ANKRD23: variants seen among roughly 807,000 people sequenced by gnomAD.
ANKRD23 encodes ankyrin repeat domain-containing protein 23.
A neutral mutation model predicts 38.1 loss-of-function variants in ANKRD23; 52 were observed. The ratio of observed to expected loss-of-function variants is 1.36; its 90% CI spans 1.09 to 1.72. The LOEUF is 1.72. ANKRD23 is among the 40% of genes most tolerant of loss of function. The pLI, the probability that ANKRD23 is intolerant of heterozygous loss-of-function variation, is 0.00. For synonymous variants in ANKRD23, 167 were observed against 162.9 expected (o/e 1.03, Z -0.19); for missense variants, 416 against 400.2 (o/e 1.04, Z -0.34).
intron 4 of ANKRD23, 46 bp downstream of exon 4, chr2:96,840,741 C>CCTGCAG (rs1559021526): frequency 1.9e-6 from 3 of 1,611,528 alleles, no homozygotes; most frequent in Non-Finnish European, 2.5e-6. Context: ...AGGCAGCGCT[C>CCTGCAG]CTGCAGCTGC....
Position 96,838,598 on chromosome 2 carries a change from A to G in ANKRD23, c.*951T>C, listed in dbSNP as rs1460002662. The G allele has an allele frequency of 1.0e-6, 1 of 985,698 alleles. No homozygotes were observed. The highest frequency in any genetic ancestry group is 1.2e-6 in the Non-Finnish European group (1 of 830,186). 61.1% of individuals were successfully genotyped at this position (985,698 alleles called of 1,614,324 possible). Reference sequence around the variant, plus strand: ...GGGTGCAGCTGCAGCGTTCCAGGCAAGAGCTCAAGCTCCAGTACCAGGAAC... The same window carrying G: ...GGGTGCAGCTGCAGCGTTCCAGGCAGGAGCTCAAGCTCCAGTACCAGGAAC... On this transcript the variant is annotated 3_prime_UTR_variant, in exon 9 of 9. Coordinates refer to ENST00000318357, the MANE Select transcript of ANKRD23 (RefSeq NM_144994.8).
At position 96,840,075 on chromosome 2, in the gene ANKRD23, G is replaced by A. The variant is rs1035913732; in HGVS notation, c.645C>T (p.His215=). 7 of 1,558,324 alleles carry A rather than the reference G, an allele frequency of 4.5e-6. No individual in the cohort carries two copies. The highest frequency in any genetic ancestry group is 1.2e-5 in the South Asian group (1 of 84,570). ...CGGGGTGCCGGGTGCGCACTGCCACGTGCAGGGGGGTGCTCCCGATCTGAG... is the reference window on the plus strand; with the variant it reads ...CGGGGTGCCGGGTGCGCACTGCCACATGCAGGGGGGTGCTCCCGATCTGAG... ...ARDKIGSTPL[H]VAVRTRHPDC... The change falls in exon 7 of 9, where the codon CAC becomes CAT. Residue 215 remains histidine, a synonymous_variant. Transcript: ENST00000318357.
In ANKRD23 at chr2:96,838,402, T is replaced by A. The variant is rs1234529644; in HGVS notation, c.*1147A>T. On this transcript the variant is annotated 3_prime_UTR_variant, in exon 9 of 9. Coordinates refer to ENST00000318357, the MANE Select transcript of ANKRD23 (RefSeq NM_144994.8). ...GCCTACACCAGTGTAATTTGAAACG[T>A]ACAGACGGTGGAAGAGGAAGTCTAG... is the stretch of plus-strand genomic sequence containing the variant. 2 of 988,086 alleles carry A rather than the reference T, an allele frequency of 2.0e-6. No individual in the cohort carries two copies. The highest frequency in any genetic ancestry group is 1.7e-5 in the African/African-American group (1 of 57,384). The allele number at this position is 988,086 out of a possible 1,614,324, so 61.2% of individuals were successfully genotyped here. A position where few individuals can be genotyped will look rare whatever the true frequency, so the allele number is the denominator to read the frequency against.
rs1442547983 is a variant in ANKRD23 at position 96,839,997 on chromosome 2, C to T, written c.723G>A (p.Lys241=). Residue 241 remains lysine (K), a splice_region_variant and synonymous_variant, in exon 7 of 9, where the codon AAG becomes AAA. Transcript: ENST00000318357. ...GGAAAAGACCAAGCGCCTGCCTTACCTTATCCTGTGCGTTCAGGTGGGCGC... is the reference window on the plus strand; with the variant it reads ...GGAAAAGACCAAGCGCCTGCCTTACTTTATCCTGTGCGTTCAGGTGGGCGC... ...ECGAHLNAQD[K]EGDTALHEAV... is the part of the protein sequence containing the mutation. 6.4e-7 allele frequency: 1 copy of T among 1,554,332 alleles called. No individual in the cohort carries two copies. The highest frequency in any genetic ancestry group is 8.7e-7 in the Non-Finnish European group (1 of 1,148,258).
rs771356035 is a variant in ANKRD23 at position 96,843,995 on chromosome 2, T to TC, written c.-4dup. ...TGCTGAATGCTGATGAAGTCCATGG[T>TC]CCCCCCTGTTCCTCACACCCCCCAG... On this transcript the variant is annotated 5_prime_UTR_variant, in exon 1 of 9. Coordinates refer to ENST00000318357, the MANE Select transcript of ANKRD23 (RefSeq NM_144994.8). The TC allele has an allele frequency of 1.9e-6, 3 of 1,599,390 alleles. No homozygotes were observed. Among genetic ancestry groups the TC allele is most frequent in the East Asian group, 2.3e-5 (1 of 43,418 alleles).
chr2:96,838,954 C>T lies in ANKRD23; in HGVS notation c.*595G>A, dbSNP rs574501547. 37 of 985,636 alleles carry T rather than the reference C, an allele frequency of 3.8e-5. No homozygotes were observed. The Admixed American group carries it at 5.5e-4, about 15-fold the overall frequency. The allele number at this position is 985,636 out of a possible 1,614,324, so 61.1% of individuals were successfully genotyped here. ...TCCTATGACCAAAGTTGTCTAGAGC[C>T]GCTCCGGACACTGCCAGGGTTGCTA... On this transcript the variant is annotated 3_prime_UTR_variant, in exon 9 of 9. Transcript: ENST00000318357.
In ANKRD23 at chr2:96,839,805, G is replaced by C. The variant is rs1431281861; in HGVS notation, c.744C>G (p.His248Gln). The change falls in exon 8 of 9, where the codon CAC (histidine) becomes CAG (glutamine). Residue 248 changes from histidine to glutamine, a missense_variant. Transcript: ENST00000318357. ...AQDKEGDTAL[H>Q]EAVRHGSYKA... ...TGTAGCTGCCGTGCCGCACGGCCTC[G>C]TGCAGAGCCGTGTCCCCTTCCTGCT... 1.2e-6 allele frequency: 2 copies of C among 1,612,932 alleles called. No individual in the cohort carries two copies. The highest frequency in any genetic ancestry group is 1.7e-5 in the Admixed American group (1 of 59,990).
intron 3 of ANKRD23, 27 bp downstream of exon 3, chr2:96,842,033 C>T (rs773404418): frequency 6.2e-7 from 1 of 1,613,132 alleles, no homozygotes; most frequent in Non-Finnish European, 8.5e-7. Context: ...GGTGTGTGCA[C>T]TGCCCTAACC....
At chr2:96,841,631 G>A (rs1219025171) in intron 3 of ANKRD23, among the ~76,000 whole-genome samples, 1 of 151,752 alleles carries the variant, frequency 6.6e-6, no homozygotes, top group African/African-American at 2.4e-5. Context: ...AAAAAGTTGG[G>A]GGAGACACAT....
At chr2:96,839,694 C>T (rs201589615) in intron 8 of ANKRD23, 33 bp downstream of exon 8, 146 of 1,599,040 alleles carry the variant, frequency 9.1e-5, no homozygotes, top group Middle Eastern at 3.4e-4. Context: ...CACCCGCCCT[C>T]GGGTCAGGAG....
In ANKRD23 at chr2:96,840,348, C is replaced by G; in HGVS notation, c.526-18G>C. ...CTGTCCAGCTGCAAAACAAAAGCAC[C>G]CAAGCACTCAGCTGCTGGGATGTGA... is the stretch of plus-strand genomic sequence containing the variant. On this transcript the variant is annotated intron_variant, in intron 5 of 8. Transcript: ENST00000318357. 2 of 1,606,764 alleles carry G rather than the reference C, an allele frequency of 1.2e-6. No individual in the cohort carries two copies. Among genetic ancestry groups the G allele is most frequent in the Non-Finnish European group, 1.7e-6 (2 of 1,176,194 alleles).
chr2:96,843,430 C>T (rs575640750), intron 1 of ANKRD23, among the ~76,000 whole-genome samples: 1 of 152,268 alleles, frequency 6.6e-6, no homozygotes, highest in South Asian at 2.1e-4. Context: ...TTCCCTATCC[C>T]CAAGGCAGCC....
intron 3 of ANKRD23, 81 bp downstream of exon 3, chr2:96,841,979 A>C: frequency 6.3e-7 from 1 of 1,591,524 alleles, no homozygotes; most frequent in Non-Finnish European, 8.6e-7. Context: ...CCTGGCCTGC[A>C]GTGCCCACTC....
At chr2:96,841,993 C>T (rs2079766943) in intron 3 of ANKRD23, 67 bp downstream of exon 3, 3 of 1,608,496 alleles carry the variant, frequency 1.9e-6, no homozygotes, top group Admixed American at 3.3e-5. Flanking sequence ...CCCACTCTGC[C>T]CCAAGCCCTT....
Position 96,839,003 on chromosome 2 carries a change from GAA to G in ANKRD23, c.*544_*545del. The G allele has an allele frequency of 1.0e-6, 1 of 985,926 alleles. No individual in the cohort carries two copies. Among genetic ancestry groups the G allele is most frequent in the Non-Finnish European group, 1.2e-6 (1 of 830,304 alleles). The allele number at this position is 985,926 out of a possible 1,614,324, so 61.1% of individuals were successfully genotyped here. ...TACTGACAGGAATGGGGTCCCCAGA[GAA>G]AGCCATGCCCACAGGCATCCACCAG... On this transcript the variant is annotated 3_prime_UTR_variant, in exon 9 of 9. Coordinates refer to ENST00000318357, the MANE Select transcript of ANKRD23 (RefSeq NM_144994.8).
At chr2:96,840,540 C>A (rs757529560) in intron 4 of ANKRD23, 26 bp from the exon 5 acceptor site, 309 of 1,611,448 alleles carry the variant, frequency 1.9e-4, no homozygotes, top group Non-Finnish European at 2.6e-4. Flanking sequence ...GAAGATTAGG[C>A]AGAGGGAGTG....
rs762423177 is a variant in ANKRD23 at position 96,840,881 on chromosome 2, C to T, written c.332G>A (p.Gly111Asp). ...PQSQAQVEPV[G>D]LEMFLKAAAE... ...AGCTGCCTTCAGGAACATCTCCAGG[C>T]CCACAGGCTCCACCTGGGCCTGGGA... is the stretch of plus-strand genomic sequence containing the variant. Residue 111 changes from glycine (G) to aspartate (D), a missense_variant, in exon 4 of 9, where the codon GGC (glycine) becomes GAC (aspartate). Coordinates refer to ENST00000318357, the MANE Select transcript of ANKRD23 (RefSeq NM_144994.8). 51 of 1,614,060 alleles carry T rather than the reference C, an allele frequency of 3.2e-5. No individual in the cohort carries two copies. In the South Asian group the frequency reaches 5.4e-4, roughly 17 times the overall value.
At position 96,842,513 on chromosome 2, in the gene ANKRD23, T is replaced by C. The variant is rs755160387; in HGVS notation, c.28-2A>G. 3 of 1,612,606 alleles carry C rather than the reference T, an allele frequency of 1.9e-6. No individual in the cohort carries two copies. The East Asian group carries it at 6.7e-5, about 36-fold the overall frequency. The stretch of plus-strand genomic sequence containing the variant: ...CCCTTCAACTCTTTCTCCACTTACC[T>C]GTAGGAACAGGATATGAGTACTGAG... On this transcript the variant is annotated splice_acceptor_variant, in intron 1 of 8. Transcript: ENST00000318357. LOFTEE classifies it high-confidence loss of function.
chr2:96,841,902 C>T (rs2153358815), intron 3 of ANKRD23, among the ~76,000 whole-genome samples, 158 bp downstream of exon 3: 1 of 152,348 alleles, frequency 6.6e-6, no homozygotes, highest in African/African-American at 2.4e-5. Context: ...TATGGCAGCC[C>T]TGGCGGACAC....
Sources: gnomAD v4.1 joint callset for allele counts (sites outside exome capture counted in the v4.1 genomes callset) on GRCh38, gnomAD v4.1.1 for gene constraint, MANE v1.5 for transcripts, NCBI Gene and HGNC (gene_info 2026-07-23, HGNC 2026-07-21) for gene names.